Variants in SLC36A3 observed in about 807,000 individuals in gnomAD.
The protein encoded by SLC36A3 is proton-coupled amino acid transporter 3.
A neutral mutation model predicts 44.3 loss-of-function variants in SLC36A3; 35 were observed. The observed-to-expected ratio is 0.79, with a 90% CI of 0.60 to 1.05. SLC36A3 has a LOEUF of 1.05. Ranked by LOEUF, SLC36A3 falls within the 50% of genes least tolerant of loss-of-function variation. The pLI is 0.00. For missense variants in SLC36A3, 540 were observed against 578.7 expected, an observed-to-expected ratio of 0.93 and a Z score of 0.69; for synonymous variants, 211 against 227.6, an observed-to-expected ratio of 0.93 and a Z score of 0.66.
rs573471602 is a variant in SLC36A3 at position 151,296,633 on chromosome 5, T to A, written c.220-365A>T. ...CCTCCAAGATGATTGAGGGCCAAGG[T>A]GTTCTTATGACTCAGTTCTCTTCCT... is the stretch of plus-strand genomic sequence containing the variant. On this transcript the variant is annotated intron_variant, in intron 2 of 9. Coordinates refer to ENST00000335230, the MANE Select transcript of SLC36A3 (RefSeq NM_181774.4). The A allele has an allele frequency of 7.9e-5, 22 of 278,366 alleles. No homozygotes were observed. In the South Asian group the frequency reaches 1.1e-3, roughly 14 times the overall value. The allele number at this position is 278,366 out of a possible 1,614,324, so 17.2% of individuals were successfully genotyped here. A position where few individuals can be genotyped will look rare whatever the true frequency, so the allele number is the denominator to read the frequency against.
chr5:151,296,634 G>A, intron 2 of SLC36A3: 1 of 275,278 alleles, frequency 3.6e-6, no homozygotes, highest in South Asian at 5.1e-5. Context: ...GGGCCAAGGT[G>A]TTCTTATGAC....
Position 151,296,274 on chromosome 5 carries a change from G to A in SLC36A3, c.220-6C>T, listed in dbSNP as rs191973469. On this transcript the variant is annotated splice_polypyrimidine_tract_variant and splice_region_variant and intron_variant, in intron 2 of 9. Transcript: ENST00000335230. Reference sequence around the variant, plus strand: ...AGAAGGCTGACAGGACCGACCTGGAGGGGAGAGGAGAAAGGGGGAAGTGAG... The same window carrying A: ...AGAAGGCTGACAGGACCGACCTGGAAGGGAGAGGAGAAAGGGGGAAGTGAG... The A allele has an allele frequency of 3.8e-5, 62 of 1,613,442 alleles. No homozygotes were observed. The East Asian group carries it at 1.1e-3, about 29-fold the overall frequency.
At chr5:151,289,428 T>G (rs1754675137) in intron 4 of SLC36A3, among the ~76,000 whole-genome samples, 1 of 151,766 alleles carries the variant, frequency 6.6e-6, no homozygotes, top group African/African-American at 2.4e-5. Context: ...CCCAGGAGGT[T>G]GAGGCTGCAG....
At position 151,281,045 on chromosome 5, in the gene SLC36A3, C is replaced by G. The variant is rs776053455; in HGVS notation, c.1113G>C (p.Leu371=). The part of the protein sequence containing the change: ...VSESWALFVD[L]SVRSALVCLT... The stretch of plus-strand genomic sequence containing the variant: ...GACAGACCAAGGCTGAGCGGACAGA[C>G]AGGTCTACAAACAGTGCCCAGCTCT... Residue 371 remains leucine, a synonymous_variant, in exon 9 of 10, where the codon CTG becomes CTC. Transcript: ENST00000335230. The G allele has an allele frequency of 1.2e-6, 2 of 1,614,162 alleles. No homozygotes were observed. Among genetic ancestry groups the G allele is most frequent in the South Asian group, 2.2e-5 (2 of 91,076 alleles).
Position 151,303,495 on chromosome 5 carries a change from C to T in SLC36A3, c.-141G>A. 2 of 844,052 alleles carry T rather than the reference C, an allele frequency of 2.4e-6. No individual in the cohort carries two copies. The highest frequency in any genetic ancestry group is 1.8e-6 in the Non-Finnish European group (1 of 555,262). The allele number at this position is 844,052 out of a possible 1,614,324, so 52.3% of individuals were successfully genotyped here. A position where few individuals can be genotyped will look rare whatever the true frequency, so the allele number is the denominator to read the frequency against. ...CAAGGATGCGTGCTGCTGGCTGAAG[C>T]CTGAAGTGCATGAATCAGGGAAGCG... On this transcript the variant is annotated 5_prime_UTR_variant, in exon 1 of 10. Transcript: ENST00000335230.
intron 3 of SLC36A3, among the ~76,000 whole-genome samples, chr5:151,294,799 T>C (rs1754903023): frequency 6.6e-6 from 1 of 152,040 alleles, no homozygotes; most frequent in African/African-American, 2.4e-5. Flanking sequence ...CTGGCTAATT[T>C]TGTATTTTTA....
At chr5:151,293,565 C>T in intron 3 of SLC36A3, 106 bp from the exon 4 acceptor site, 1 of 893,660 alleles carries the variant, frequency 1.1e-6, no homozygotes, top group Non-Finnish European at 1.7e-6. Flanking sequence ...AGCATGAAGC[C>T]TTCTGTCAAT....
chr5:151,279,418 A>G (rs979869118), intron 9 of SLC36A3, among the ~76,000 whole-genome samples: 1 of 152,244 alleles, frequency 6.6e-6, no homozygotes, highest in Non-Finnish European at 1.5e-5. Flanking sequence ...GTCTAGCACA[A>G]TGCCAGGTAT....
chr5:151,282,041 T>C (rs1754337218), intron 8 of SLC36A3, among the ~76,000 whole-genome samples: 1 of 151,452 alleles, frequency 6.6e-6, no homozygotes. Context: ...CACACACACA[T>C]GCATACACAT....
rs1189618930 is a variant in SLC36A3, at chr5:151,293,437, A to G, written c.331T>C (p.Tyr111His). 2 of 1,613,374 alleles carry G rather than the reference A, an allele frequency of 1.2e-6. No homozygotes were observed. The highest frequency in any genetic ancestry group is 1.1e-5 in the South Asian group (1 of 90,884). Residue 111 changes from tyrosine (Y) to histidine (H), a missense_variant, in exon 4 of 10, where the codon TAT (tyrosine) becomes CAT (histidine). Tyr to His is a moderately conservative substitution (Grantham distance 83, BLOSUM62 2). Transcript: ENST00000335230. ...AGGCCGTACATCGTGGCCTCTCCATAGTTCACAAAAGTCTTCTGCAGTCTA... is the reference window on the plus strand; with the variant it reads ...AGGCCGTACATCGTGGCCTCTCCATGGTTCACAAAAGTCTTCTGCAGTCTA... ...SQRLQKTFVNYGEATMYGLET... is the reference protein window; with the variant it reads ...SQRLQKTFVNHGEATMYGLET...
intron 3 of SLC36A3, among the ~76,000 whole-genome samples, chr5:151,294,631 ATTT>A (rs971274733): frequency 1.4e-5 from 2 of 145,938 alleles, no homozygotes; most frequent in African/African-American, 5.0e-5. Flanking sequence ...GTGAATGTGA[ATTT>A]TTTTTTTTTT....
chr5:151,281,013 C>T lies in SLC36A3; in HGVS notation c.1144+1G>A. ...AAAGAGTGCCCTTTTATGCTACTCACAGGTTAGACAGACCAAGGCTGAGCG... is the reference window on the plus strand; with the variant it reads ...AAAGAGTGCCCTTTTATGCTACTCATAGGTTAGACAGACCAAGGCTGAGCG... On this transcript the variant is annotated splice_donor_variant, in intron 9 of 9. Transcript: ENST00000335230. LOFTEE classifies it high-confidence loss of function. 1.9e-6 allele frequency: 3 copies of T among 1,614,084 alleles called. No individual in the cohort carries two copies. Among genetic ancestry groups the T allele is most frequent in the Non-Finnish European group, 2.5e-6 (3 of 1,179,976 alleles).
At position 151,284,103 on chromosome 5, in the gene SLC36A3, G is replaced by A. The variant is rs1441405650; in HGVS notation, c.915C>T (p.Gly305=). The part of the protein sequence containing the change: ...IILYILLGTL[G]YMKFGSDTQA... ...GGGTGTCTGACCCAAACTTCATGTA[G>A]CCCAGTGTCCCCAGTAAGATATAGA... Residue 305 remains glycine, a synonymous_variant, in exon 8 of 10, where the codon GGC becomes GGT. Transcript: ENST00000335230. 1 of 1,614,092 alleles carries A rather than the reference G, an allele frequency of 6.2e-7. No homozygotes were observed. The highest frequency in any genetic ancestry group is 1.1e-5 in the South Asian group (1 of 91,064).
At chr5:151,285,024 T>A (rs1561630978) in intron 6 of SLC36A3, among the ~76,000 whole-genome samples, 1 of 152,158 alleles carries the variant, frequency 6.6e-6, no homozygotes, top group African/African-American at 2.4e-5. Flanking sequence ...TGGAAACTCT[T>A]TATCTATCAA....
At chr5:151,296,106 C>T in intron 3 of SLC36A3, 74 bp downstream of exon 3, 2 of 1,399,624 alleles carry the variant, frequency 1.4e-6, no homozygotes, top group Non-Finnish European at 2.0e-6. Flanking sequence ...TTAATTGGGT[C>T]AGTGGTCAAA....
rs1479679828 is a variant in SLC36A3, at chr5:151,299,252, CTCTCTCTCTCTCTATATATA to C, written c.129-589_129-570del. Among the ~76,000 whole-genome samples, 644 of 95,046 alleles carry C rather than the reference CTCTCTCTCTCTCTATATATA, an allele frequency of 6.8e-3. 3 individuals carry two copies. Among genetic ancestry groups the C allele is most frequent in the African/African-American group, 0.022 (516 of 23,160 alleles). 62.4% of individuals were successfully genotyped at this position (95,046 alleles called of 152,430 possible). On this transcript the variant is annotated intron_variant, in intron 1 of 9. Transcript: ENST00000335230. ...TCTCTCTCTCTCTCTCTCTCTCTCT[CTCTCTCTCTCTCTATATATA>C]TATATATATATATATATATGAAATG...
At chr5:151,292,715 G>C (rs778954698) in intron 4 of SLC36A3, among the ~76,000 whole-genome samples, 1 of 152,230 alleles carries the variant, frequency 6.6e-6, no homozygotes, top group Non-Finnish European at 1.5e-5. Context: ...TGGGCGAGGT[G>C]GTTCACACCT....
rs1755236896 is a variant in SLC36A3 at position 151,303,515 on chromosome 5, G to A, written c.-161C>T. ...TGAAGCCTGAAGTGCATGAATCAGG[G>A]AAGCGGTGGTGGCAGGAGAGGCTGA... On this transcript the variant is annotated 5_prime_UTR_variant, in exon 1 of 10. Coordinates refer to ENST00000335230, the MANE Select transcript of SLC36A3 (RefSeq NM_181774.4). The A allele has an allele frequency of 4.4e-6, 3 of 686,912 alleles. No individual in the cohort carries two copies. The highest frequency in any genetic ancestry group is 4.7e-6 in the Non-Finnish European group (2 of 429,244). 42.6% of individuals were successfully genotyped at this position (686,912 alleles called of 1,614,324 possible).
At position 151,303,564 on chromosome 5, in the gene SLC36A3, C is replaced by G. The variant is rs1182246468; in HGVS notation, c.-210G>C. 1.4e-5 allele frequency: 7 copies of G among 488,014 alleles called. No individual in the cohort carries two copies. The highest frequency in any genetic ancestry group is 5.3e-4 in the Middle Eastern group (1 of 1,882). 30.2% of individuals were successfully genotyped at this position (488,014 alleles called of 1,614,324 possible). On this transcript the variant is annotated 5_prime_UTR_variant, in exon 1 of 10. Coordinates refer to ENST00000335230, the MANE Select transcript of SLC36A3 (RefSeq NM_181774.4). Reference sequence around the variant, plus strand: ...GATGTTGATGATGCCTCACCTGGCTCTTGGGGGACTTATGAAAGACCCATC... The same window carrying G: ...GATGTTGATGATGCCTCACCTGGCTGTTGGGGGACTTATGAAAGACCCATC...
Sources: gnomAD v4.1 joint callset for allele counts (sites outside exome capture counted in the v4.1 genomes callset) on GRCh38, gnomAD v4.1.1 for gene constraint, MANE v1.5 for transcripts, NCBI Gene and HGNC (gene_info 2026-07-23, HGNC 2026-07-21) for gene names.